The following AMPD1 variants were observed in gnomAD, a reference collection of about 807,000 sequenced individuals.
AMPD1 encodes the protein adenosine monophosphate deaminase 1.
A neutral mutation model predicts 82.9 loss-of-function variants in AMPD1; 74 were observed. That is an observed-to-expected ratio of 0.89 (90% CI 0.74 to 1.08). AMPD1 has a LOEUF of 1.08. AMPD1 is among the 50% of genes least tolerant of loss of function. The probability of loss-of-function intolerance (pLI) is 0.00; values close to 1 mark genes in which losing one functional copy is unlikely to be tolerated. For synonymous variants in AMPD1, 333 were observed against 320.5 expected, an observed-to-expected ratio of 1.04 and a Z score of -0.42; for missense variants, 881 against 924.5, an observed-to-expected ratio of 0.95 and a Z score of 0.61.
chr1:114,688,640 T>C lies in AMPD1; in HGVS notation c.136A>G (p.Ile46Val). ...QEISPFDVDE[I>V]CPISHHEMQA... The stretch of plus-strand genomic sequence containing the variant: ...ATCTCATGATGAGAAATCGGACAGA[T>C]CTCATCCACATCAAAGGGGGAAATC... The change falls in exon 3 of 16, where the codon ATC (isoleucine) becomes GTC (valine). Residue 46 changes from isoleucine (I) to valine (V), a missense_variant. By Grantham distance (29) the Ile-to-Val change is conservative. Transcript: ENST00000520113. 1.2e-6 allele frequency: 2 copies of C among 1,614,170 alleles called. No homozygotes were observed. Among genetic ancestry groups the C allele is most frequent in the Non-Finnish European group, 1.7e-6 (2 of 1,180,030 alleles).
chr1:114,694,960 A>G (rs1658633367), intron 1 of AMPD1, among the ~76,000 whole-genome samples: 1 of 152,226 alleles, frequency 6.6e-6, no homozygotes, highest in Non-Finnish European at 1.5e-5. Flanking sequence ...CACATGAAAC[A>G]TGTATTGCTT....
intron 2 of AMPD1, among the ~76,000 whole-genome samples, chr1:114,689,172 T>C (rs1441169493): frequency 2.0e-5 from 3 of 152,210 alleles, no homozygotes; most frequent in Admixed American, 1.3e-4. Flanking sequence ...GGAGTTTTTC[T>C]TGCTAAGGAG....
chr1:114,678,367 T>G lies in AMPD1; in HGVS notation c.1058A>C (p.Tyr353Ser), dbSNP rs1398708257. 1 of 1,614,094 alleles carries G rather than the reference T, an allele frequency of 6.2e-7. No individual in the cohort carries two copies. Among genetic ancestry groups the G allele is most frequent in the Non-Finnish European group, 8.5e-7 (1 of 1,180,052 alleles). ...ATCCAGAGAATCAACAGTCAGGTCATAAGGATGCATTTTTAATTTAGCAAA... is the reference window on the plus strand; with the variant it reads ...ATCCAGAGAATCAACAGTCAGGTCAGAAGGATGCATTTTTAATTTAGCAAA... ...ELFAKLKMHP[Y>S]DLTVDSLDVH... The change falls in exon 8 of 16, where the codon TAT becomes TCT. Residue 353 changes from tyrosine to serine, a missense_variant. Coordinates refer to ENST00000520113, the MANE Select transcript of AMPD1 (RefSeq NM_000036.3).
At chr1:114,682,679 C>T (rs954331158) in intron 5 of AMPD1, among the ~76,000 whole-genome samples, 9 of 151,764 alleles carry the variant, frequency 5.9e-5, no homozygotes, top group Non-Finnish European at 1.0e-4. Flanking sequence ...CCCGGGTTCA[C>T]GCCATTCTCC....
Position 114,675,573 on chromosome 1 carries a change from A to G in AMPD1, c.1636T>C (p.Tyr546His), listed in dbSNP as rs1184421657. 5 of 1,614,076 alleles carry G rather than the reference A, an allele frequency of 3.1e-6. No homozygotes were observed. Among genetic ancestry groups the G allele is most frequent in the Non-Finnish European group, 3.4e-6 (4 of 1,180,022 alleles). The change falls in exon 12 of 16, where the codon TAC becomes CAC. Residue 546 changes from tyrosine (Y) to histidine (H), a missense_variant. Around this residue, in one of 2 missense-constraint regions of AMPD1, gnomAD observed 783 missense variants for 786.4 expected, o/e 1.00. Coordinates refer to ENST00000520113, the MANE Select transcript of AMPD1 (RefSeq NM_000036.3). ...ACCATGATGTTTGCATACATGTAGT[A>G]GGCATAGTAAGTGTAAGATGGATTC... ...EKNPSYTYYA[Y>H]YMYANIMVLN...
At chr1:114,686,693 C>T in intron 4 of AMPD1, 52 bp downstream of exon 4, 1 of 1,597,782 alleles carries the variant, frequency 6.3e-7, no homozygotes, top group Non-Finnish European at 8.6e-7. Flanking sequence ...CTAGAACTGT[C>T]AAGCTGAATG....
At position 114,675,473 on chromosome 1, in the gene AMPD1, TA is replaced by T; in HGVS notation, c.1679+56del. On this transcript the variant is annotated intron_variant, in intron 12 of 15. Coordinates refer to ENST00000520113, the MANE Select transcript of AMPD1 (RefSeq NM_000036.3). The stretch of plus-strand genomic sequence containing the variant: ...CCCCTGACCACCTTAATTGCCAATA[TA>T]TGTGGAAAGAGCTGTGTCAAATAGA... 3.8e-6 allele frequency: 6 copies of T among 1,572,524 alleles called. No homozygotes were observed. The South Asian group carries it at 6.7e-5, about 17-fold the overall frequency.
Position 114,678,533 on chromosome 1 carries a change from T to G in AMPD1, c.898-6A>C. On this transcript the variant is annotated splice_polypyrimidine_tract_variant and splice_region_variant and intron_variant, in intron 7 of 15. Transcript: ENST00000520113. The stretch of plus-strand genomic sequence containing the variant: ...GCATGGATATGGGTGTCCACCTGTA[T>G]GTATATTCAAAGAAAGAAAAAAACA... 6 of 1,612,992 alleles carry G rather than the reference T, an allele frequency of 3.7e-6. No individual in the cohort carries two copies. Among genetic ancestry groups the G allele is most frequent in the Non-Finnish European group, 5.1e-6 (6 of 1,179,132 alleles).
chr1:114,673,880 T>C, intron 14 of AMPD1, 29 bp downstream of exon 14: 2 of 1,611,104 alleles, frequency 1.2e-6, no homozygotes, highest in Non-Finnish European at 1.7e-6. Flanking sequence ...CAGCAAAATA[T>C]GCTTGTATTG....
intron 7 of AMPD1, 42 bp downstream of exon 7, chr1:114,679,537 G>A (rs935656856): frequency 1.2e-6 from 2 of 1,610,424 alleles, no homozygotes; most frequent in Admixed American, 1.7e-5. Context: ...TAATTGAATT[G>A]TTTTTGCCCA....
Position 114,673,629 on chromosome 1 carries a change from A to T in AMPD1, c.2085+10T>A. ...TACTCAGAAGGGAAGCCATTTGAAG[A>T]CAGGTCTACCTCATGAGAAATTCCA... is the stretch of plus-strand genomic sequence containing the variant. On this transcript the variant is annotated intron_variant, in intron 15 of 15. Transcript: ENST00000520113. 6.2e-7 allele frequency: 1 copy of T among 1,603,946 alleles called. No homozygotes were observed.
intron 12 of AMPD1, 112 bp downstream of exon 12, chr1:114,675,418 C>T (rs1422936928): frequency 5.0e-6 from 6 of 1,194,426 alleles, no homozygotes; most frequent in Non-Finnish European, 6.2e-6. Context: ...TGATTTGGGC[C>T]AATTGGAACC....
In AMPD1 at chr1:114,686,817, A is replaced by T. The variant is rs398123115; in HGVS notation, c.309T>A (p.Ile103=). ...CGGTCTGGTAGGTTGGAGATGAGGAAATGTATTCATCAATGTGGGACAGTT... is the reference window on the plus strand; with the variant it reads ...CGGTCTGGTAGGTTGGAGATGAGGATATGTATTCATCAATGTGGGACAGTT... ...STKLSHIDEY[I]SSSPTYQTVP... The change falls in exon 4 of 16, where the codon ATT becomes ATA. Residue 103 remains isoleucine, a synonymous_variant. Transcript: ENST00000520113. The T allele has an allele frequency of 1.5e-4, 248 of 1,614,146 alleles. 3 individuals carry two copies. The South Asian group carries it at 2.6e-3, about 17-fold the overall frequency.
At chr1:114,695,154 C>A (rs1004576096) in intron 1 of AMPD1, among the ~76,000 whole-genome samples, 1 of 152,052 alleles carries the variant, frequency 6.6e-6, no homozygotes, top group Non-Finnish European at 1.5e-5. Flanking sequence ...GCTATGGCAG[C>A]ACAGGTTTTG....
Position 114,686,915 on chromosome 1 carries a change from G to A in AMPD1, c.216-5C>T, listed in dbSNP as rs553915536. ...CGTCCTTGGAAACGCTTTTTTCTGG[G>A]TTCGAAATTTAAAAGTAAGAGTTAA... On this transcript the variant is annotated splice_region_variant and splice_polypyrimidine_tract_variant and intron_variant, in intron 3 of 15. Transcript: ENST00000520113. 9 of 1,614,012 alleles carry A rather than the reference G, an allele frequency of 5.6e-6. No individual in the cohort carries two copies. The highest frequency in any genetic ancestry group is 2.7e-5 in the African/African-American group (2 of 74,910).
At chr1:114,673,801 G>A in intron 14 of AMPD1, 52 bp from the exon 15 acceptor site, 2 of 1,567,922 alleles carry the variant, frequency 1.3e-6, no homozygotes, top group Non-Finnish European at 8.8e-7. Flanking sequence ...TAAATAATAT[G>A]CATCCTGCCT....
At chr1:114,685,988 CG>C (rs1658305932) in intron 4 of AMPD1, among the ~76,000 whole-genome samples, 1 of 152,112 alleles carries the variant, frequency 6.6e-6, no homozygotes, top group Admixed American at 6.6e-5. Flanking sequence ...CATCGACGGA[CG>C]GCTGCACAGC....
At chr1:114,681,729 A>T (rs1658163921) in intron 5 of AMPD1, among the ~76,000 whole-genome samples, 1 of 152,200 alleles carries the variant, frequency 6.6e-6, no homozygotes, top group Non-Finnish European at 1.5e-5. Context: ...ATGAATATAC[A>T]TTAACACCTT....
chr1:114,694,900 T>G (rs1658631889), intron 1 of AMPD1, among the ~76,000 whole-genome samples: 1 of 152,208 alleles, frequency 6.6e-6, no homozygotes, highest in Admixed American at 6.5e-5. Flanking sequence ...ATTTCCCAAC[T>G]TTCAAAACGA....
Sources: gnomAD v4.1 joint callset for allele counts (sites outside exome capture counted in the v4.1 genomes callset) on GRCh38, gnomAD v4.1.1 for gene constraint, gnomAD v4.1.1 regional missense constraint, MANE v1.5 for transcripts, NCBI Gene and HGNC (gene_info 2026-07-23, HGNC 2026-07-21) for gene names.